The following KCNAB2 variants were observed in gnomAD, a reference collection of about 807,000 sequenced individuals.
KCNAB2 encodes potassium voltage-gated channel subfamily A regulatory beta subunit 2.
A neutral mutation model predicts 63.6 loss-of-function variants in KCNAB2; 29 were observed. The ratio of observed to expected loss-of-function variants is 0.46; its 90% confidence interval spans 0.34 to 0.62. The LOEUF (loss-of-function observed/expected upper bound fraction) is 0.62, where lower values mean the gene tolerates loss of function less well. Among genes scored for constraint, KCNAB2 ranks in the 20% least tolerant of loss-of-function variants. The pLI is 0.01. For missense variants in KCNAB2, 359 were observed against 563.9 expected (o/e 0.64, Z 3.68); for synonymous variants, 222 against 224.2 (o/e 0.99, Z 0.09).
In KCNAB2 at chr1:6,051,660, G is replaced by A. The variant is rs1661403865; in HGVS notation, c.124G>A (p.Ala42Thr). Reference sequence around the variant, plus strand: ...ACTGCAGCGGCTGCGGGAGGTGCGGGCGGCTGCCCAGGCCAGGAACATGGA... The same window carrying A: ...ACTGCAGCGGCTGCGGGAGGTGCGGACGGCTGCCCAGGCCAGGAACATGGA... ...LELQRLREVR[A>T]AAQARNMESF... The change falls in exon 2 of 16, where the codon GCG becomes ACG. Residue 42 changes from alanine (A) to threonine (T), a missense_variant. By Grantham distance (58) the Ala-to-Thr change is moderately conservative. Around this residue, in one of 2 missense-constraint regions of KCNAB2, gnomAD observed 88 missense variants for 87.8 expected, o/e 1.00. Coordinates refer to ENST00000378083, the MANE Select transcript of KCNAB2 (RefSeq NM_001199862.2). 1 of 1,534,112 alleles carries A rather than the reference G, an allele frequency of 6.5e-7. No individual in the cohort carries two copies. The highest frequency in any genetic ancestry group is 2.0e-5 in the Admixed American group (1 of 50,992).
At chr1:6,014,011 C>G (rs1658341974) in intron 1 of KCNAB2, among the ~76,000 whole-genome samples, 1 of 152,204 alleles carries the variant, frequency 6.6e-6, no homozygotes, top group Non-Finnish European at 1.5e-5. Context: ...CTCTCCAAGC[C>G]TCAGTTTTCT....
At chr1:6,058,953 C>T (rs1188237168) in intron 2 of KCNAB2, among the ~76,000 whole-genome samples, 1 of 151,838 alleles carries the variant, frequency 6.6e-6, no homozygotes, top group Non-Finnish European at 1.5e-5. Context: ...TCATGGTCAT[C>T]CCAGGCCTGG....
chr1:6,071,755 G>A lies in KCNAB2; in HGVS notation c.219-1000G>A, dbSNP rs555351177. Among the ~76,000 whole-genome samples the A allele has an allele frequency of 6.6e-5, 10 of 151,572 alleles. No individual in the cohort carries two copies. In the South Asian group the frequency reaches 1.3e-3, roughly 19 times the overall value. ...CCTGCGGCGAGGGCTCCCTCCTGCC[G>A]CGTGGGCTCCTCCTGCCGCGTGGGC... On this transcript the variant is annotated intron_variant, in intron 2 of 15. Coordinates refer to ENST00000378083, the MANE Select transcript of KCNAB2 (RefSeq NM_001199862.2). The surrounding 1 kb of genome is among the most constrained non-coding windows in gnomAD (Gnocchi z 8.5).
chr1:6,019,640 G>A (rs1658707972), intron 1 of KCNAB2, among the ~76,000 whole-genome samples: 1 of 152,236 alleles, frequency 6.6e-6, no homozygotes, highest in Non-Finnish European at 1.5e-5. Flanking sequence ...CTCGACCTGA[G>A]CGTCTTCACT....
upstream of KCNAB2, among the ~76,000 whole-genome samples, chr1:6,033,830 T>C (rs1659825550): frequency 6.6e-6 from 1 of 152,214 alleles, no homozygotes; most frequent in Non-Finnish European, 1.5e-5. Flanking sequence ...CATTGCTCCG[T>C]GAGAAGTTGG....
chr1:5,998,559 G>A (rs758290839), intron 1 of KCNAB2, among the ~76,000 whole-genome samples: 22 of 152,290 alleles, frequency 1.4e-4, no homozygotes, highest in Admixed American at 3.3e-4. Flanking sequence ...CCAAGGGTAC[G>A]GGTTTGAGAG....
At chr1:6,045,755 G>T (rs529755592), upstream of KCNAB2, among the ~76,000 whole-genome samples, 19 of 152,260 alleles carry the variant, frequency 1.2e-4, no homozygotes, top group South Asian at 2.9e-3. This position sits in a 1 kb window ranked among gnomAD's most constrained non-coding sequence, Gnocchi z 4.8. Context: ...AGCAAGGCCT[G>T]CCCCTTTCGA....
chr1:6,074,054 G>A lies in KCNAB2; in HGVS notation c.300+284G>A, dbSNP rs564377032. Among the ~76,000 whole-genome samples the A allele has an allele frequency of 1.1e-4, 17 of 152,298 alleles. No homozygotes were observed. The highest frequency in any genetic ancestry group is 2.2e-4 in the Non-Finnish European group (15 of 68,020). The stretch of plus-strand genomic sequence containing the variant: ...TCCCCAGGACTCAGATTTCCCACAC[G>A]CGTGACCCCCATTCCACAGTTAACG... On this transcript the variant is annotated intron_variant, in intron 4 of 15. Transcript: ENST00000378083. This position sits in a 1 kb window ranked among gnomAD's most constrained non-coding sequence, Gnocchi z 4.9.
chr1:6,009,224 C>A (rs1040537321), intron 1 of KCNAB2, among the ~76,000 whole-genome samples: 3 of 152,346 alleles, frequency 2.0e-5, no homozygotes, highest in East Asian at 3.9e-4. Flanking sequence ...CTGCACCTAT[C>A]CCTTGGAGTA....
chr1:6,078,639 G>A lies in KCNAB2; in HGVS notation c.301-3556G>A, dbSNP rs1557491021. ...CAGATCTGGTGGAGACTTTGGCTTTGACCCTCTGCGAGATGGAAGCCCCTG... is the reference window on the plus strand; with the variant it reads ...CAGATCTGGTGGAGACTTTGGCTTTAACCCTCTGCGAGATGGAAGCCCCTG... On this transcript the variant is annotated intron_variant, in intron 4 of 15. Coordinates refer to ENST00000378083, the MANE Select transcript of KCNAB2 (RefSeq NM_001199862.2). This position sits in a 1 kb window ranked among gnomAD's most constrained non-coding sequence, Gnocchi z 4.2. Among the ~76,000 whole-genome samples, 1 of 151,936 alleles carries A rather than the reference G, an allele frequency of 6.6e-6. No homozygotes were observed. The highest frequency in any genetic ancestry group is 1.5e-5 in the Non-Finnish European group (1 of 67,942).
chr1:6,030,386 C>T (rs1448188200), upstream of KCNAB2, among the ~76,000 whole-genome samples: 2 of 152,076 alleles, frequency 1.3e-5, no homozygotes, highest in Non-Finnish European at 1.5e-5. Context: ...GATCACCTTC[C>T]GGTGGCCAAA....
chr1:6,071,847 G>T lies in KCNAB2; in HGVS notation c.219-908G>T, dbSNP rs1022209817. Among the ~76,000 whole-genome samples the T allele has an allele frequency of 6.7e-6, 1 of 148,370 alleles. No homozygotes were observed. Among genetic ancestry groups the T allele is most frequent in the African/African-American group, 2.5e-5 (1 of 40,006 alleles). On this transcript the variant is annotated intron_variant, in intron 2 of 15. Coordinates refer to ENST00000378083, the MANE Select transcript of KCNAB2 (RefSeq NM_001199862.2). The surrounding 1 kb of genome is among the most constrained non-coding windows in gnomAD (Gnocchi z 8.5). The stretch of plus-strand genomic sequence containing the variant: ...CCTGCCGCATAGGGCACCTCCTGCC[G>T]CGAGGGCACCTCCTGCCGCGTGGGC...
chr1:6,061,721 G>A (rs531276708), intron 2 of KCNAB2, among the ~76,000 whole-genome samples: 1 of 152,126 alleles, frequency 6.6e-6, no homozygotes, highest in East Asian at 1.9e-4. Flanking sequence ...AGATTATAAC[G>A]GAATATAATG....
At chr1:6,068,140 A>G (rs1233381009) in intron 2 of KCNAB2, among the ~76,000 whole-genome samples, 2 of 152,262 alleles carry the variant, frequency 1.3e-5, no homozygotes, top group Non-Finnish European at 2.9e-5. Context: ...CAAAGGAGTT[A>G]AAAGCGGGAC....
intron 9 of KCNAB2, 137 bp from the exon 10 acceptor site, chr1:6,091,126 T>C (rs1415293520): frequency 8.7e-6 from 6 of 690,780 alleles, no homozygotes; most frequent in Non-Finnish European, 1.6e-5. Context: ...CGTGTGTTGA[T>C]ATATTTTTTT....
At chr1:6,042,263 C>A (rs1193335464), upstream of KCNAB2, among the ~76,000 whole-genome samples, 1 of 152,176 alleles carries the variant, frequency 6.6e-6, no homozygotes, top group Non-Finnish European at 1.5e-5. Flanking sequence ...CCCATCCGTT[C>A]CCCCTTTGCC....
intron 1 of KCNAB2, among the ~76,000 whole-genome samples, chr1:6,047,681 G>A (rs1557449052): frequency 6.6e-6 from 1 of 152,100 alleles, no homozygotes; most frequent in South Asian, 2.1e-4. Context: ...ACAAATATCT[G>A]AGCCCCTCCT....
chr1:6,080,396 G>A (rs1664093172), intron 4 of KCNAB2, among the ~76,000 whole-genome samples: 1 of 152,238 alleles, frequency 6.6e-6, no homozygotes, highest in Non-Finnish European at 1.5e-5. Flanking sequence ...TGGGGGGGCA[G>A]CAGCAGGTCC....
chr1:6,063,829 G>A (rs1033985931), intron 2 of KCNAB2, among the ~76,000 whole-genome samples: 2 of 152,228 alleles, frequency 1.3e-5, no homozygotes, highest in Non-Finnish European at 2.9e-5. Context: ...TTGTGAATAA[G>A]GCTGCTGTGG....
Sources: gnomAD v4.1 joint callset for allele counts (sites outside exome capture counted in the v4.1 genomes callset) on GRCh38, gnomAD v4.1.1 for gene constraint, gnomAD v4.1.1 regional missense constraint, Gnocchi (gnomAD v3.1) non-coding constraint, MANE v1.5 for transcripts, NCBI Gene and HGNC (gene_info 2026-07-23, HGNC 2026-07-21) for gene names.